RUSC1: variants seen among roughly 807,000 people sequenced by gnomAD.
RUSC1 encodes the protein RUN and SH3 domain containing 1, also known as AP-4 complex accessory subunit RUSC1.
RUSC1 carries 40 observed loss-of-function variants against 72.1 expected under a neutral mutation model. The ratio of observed to expected loss-of-function variants is 0.55; its 90% CI spans 0.43 to 0.72. RUSC1 has a LOEUF of 0.72. Among genes scored for constraint, RUSC1 ranks in the 30% least tolerant of loss-of-function variants. The pLI is 0.00. For missense variants in RUSC1, 1,092 were observed against 1,172.3 expected (o/e 0.93, Z 1.00); for synonymous variants, 512 against 494.2 (o/e 1.04, Z -0.48).
At chr1:155,329,172 G>A (rs946024294) in intron 9 of RUSC1, among the ~76,000 whole-genome samples, 8 of 149,396 alleles carry the variant, frequency 5.4e-5, no homozygotes, top group Admixed American at 3.3e-4. Context: ...CTGCAACCAC[G>A]CCTCCTGGGC....
At position 155,325,845 on chromosome 1, in the gene RUSC1, TC is replaced by T. The variant is rs1651335085; in HGVS notation, c.1815-16del. 6.2e-7 allele frequency: 1 copy of T among 1,613,718 alleles called. No homozygotes were observed. Among genetic ancestry groups the T allele is most frequent in the South Asian group, 1.1e-5 (1 of 91,064 alleles). Reference sequence around the variant, plus strand: ...GTCCTCCACCTCCCTGAACTTCCATTCCCTCTTTTCTCCCCTAGCACCAAGC... The same window carrying T: ...GTCCTCCACCTCCCTGAACTTCCATTCCTCTTTTCTCCCCTAGCACCAAGC... On this transcript the variant is annotated intron_variant, in intron 6 of 9. Transcript: ENST00000368352. This position sits in a 1 kb window ranked among gnomAD's most constrained non-coding sequence, Gnocchi z 6.5.
Position 155,325,437 on chromosome 1 carries a change from C to G in RUSC1, c.1655C>G (p.Thr552Ser). ...AAGCCTTTCCGGAAGGACCTCATCA[C>G]CGGGCAGCGCAGGAGCAGCCCCTGG... ...GLKPFRKDLI[T>S]GQRRSSPWSV... is the part of the protein sequence containing the mutation. The change falls in exon 5 of 10, where the codon ACC becomes AGC. Residue 552 changes from threonine to serine, a missense_variant. By Grantham distance (58) the Thr-to-Ser change is moderately conservative. Coordinates refer to ENST00000368352, the MANE Select transcript of RUSC1 (RefSeq NM_001105203.2). The surrounding 1 kb of genome is among the most constrained non-coding windows in gnomAD (Gnocchi z 6.5). The G allele has an allele frequency of 6.3e-7, 1 of 1,592,598 alleles. No homozygotes were observed. The highest frequency in any genetic ancestry group is 2.3e-5 in the East Asian group (1 of 44,180).
intron 9 of RUSC1, among the ~76,000 whole-genome samples, chr1:155,330,074 G>A (rs1410546701): frequency 6.6e-6 from 1 of 152,098 alleles, no homozygotes; most frequent in Non-Finnish European, 1.5e-5. Flanking sequence ...GGGCAAGTGT[G>A]GGGAGAAAGT....
chr1:155,330,112 G>A (rs1021433852), intron 9 of RUSC1, among the ~76,000 whole-genome samples: 8 of 152,086 alleles, frequency 5.3e-5, no homozygotes, highest in Non-Finnish European at 1.0e-4. Flanking sequence ...TAGGCGACAC[G>A]AGGAGGAACT....
intron 2 of RUSC1, chr1:155,324,015 C>T (rs941025632): frequency 1.3e-5 from 14 of 1,049,574 alleles, no homozygotes; most frequent in South Asian, 3.0e-5. Flanking sequence ...GTTGCCTTTC[C>T]TGCTCCGTGG....
In RUSC1 at chr1:155,326,971, C is replaced by T; in HGVS notation, c.2253C>T (p.Ser751=). Residue 751 remains serine, a synonymous_variant, in exon 8 of 10, where the codon TCC becomes TCT. Coordinates refer to ENST00000368352, the MANE Select transcript of RUSC1 (RefSeq NM_001105203.2). This position sits in a 1 kb window ranked among gnomAD's most constrained non-coding sequence, Gnocchi z 4.7. The stretch of plus-strand genomic sequence containing the variant: ...GGGGCACTGAGGGCTTTCCTCTTTC[C>T]CGATGGGCACCGGGGCGTCATGGGA... ...ASGGTEGFPL[S]RWAPGRHGTA... The T allele has an allele frequency of 6.2e-7, 1 of 1,613,750 alleles. No individual in the cohort carries two copies. The highest frequency in any genetic ancestry group is 1.7e-5 in the Admixed American group (1 of 60,026).
Position 155,322,104 on chromosome 1 carries a change from G to T in RUSC1, c.331G>T (p.Asp111Tyr). Residue 111 changes from aspartate (D) to tyrosine (Y), a missense_variant, in exon 2 of 10, where the codon GAT (aspartate) becomes TAT (tyrosine). Coordinates refer to ENST00000368352, the MANE Select transcript of RUSC1 (RefSeq NM_001105203.2). Reference sequence around the variant, plus strand: ...CTCCTCCTCACTCAGCTCCTGCTCAGATCTTAGCCCCGATGAGTCCCCTGT... The same window carrying T: ...CTCCTCCTCACTCAGCTCCTGCTCATATCTTAGCCCCGATGAGTCCCCTGT... ...GCSSSLSSCS[D>Y]LSPDESPVSV... 1 of 1,613,036 alleles carries T rather than the reference G, an allele frequency of 6.2e-7. No homozygotes were observed. The highest frequency in any genetic ancestry group is 8.5e-7 in the Non-Finnish European group (1 of 1,179,300).
Position 155,330,680 on chromosome 1 carries a change from C to T in RUSC1, c.*109C>T. The T allele has an allele frequency of 9.2e-7, 1 of 1,091,496 alleles. No individual in the cohort carries two copies. The highest frequency in any genetic ancestry group is 1.3e-6 in the Non-Finnish European group (1 of 782,606). 67.6% of individuals were successfully genotyped at this position (1,091,496 alleles called of 1,614,324 possible). On this transcript the variant is annotated 3_prime_UTR_variant, in exon 10 of 10. Transcript: ENST00000368352. ...TCCCTCTGCAAAATGACGTTTCTTC[C>T]CACGTCTGTTTCTGCTAATATTTAA...
Position 155,326,815 on chromosome 1 carries a change from G to A in RUSC1, c.2097G>A (p.Gly699=). The part of the protein sequence containing the change: ...QQTMQAMLHF[G]GRLAQSLRGT... ...CTATGCAAGCCATGCTGCACTTTGG[G>A]GGCCGGCTGGCCCAGAGCCTTCGGG... The change falls in exon 8 of 10, where the codon GGG becomes GGA. Residue 699 remains glycine, a synonymous_variant. Coordinates refer to ENST00000368352, the MANE Select transcript of RUSC1 (RefSeq NM_001105203.2). This position sits in a 1 kb window ranked among gnomAD's most constrained non-coding sequence, Gnocchi z 4.7. 1 of 1,613,402 alleles carries A rather than the reference G, an allele frequency of 6.2e-7. No individual in the cohort carries two copies. The highest frequency in any genetic ancestry group is 8.5e-7 in the Non-Finnish European group (1 of 1,180,038).
In RUSC1 at chr1:155,330,490, A is replaced by G. The variant is rs1461434445; in HGVS notation, c.2628A>G (p.Thr876=). Residue 876 remains threonine, a synonymous_variant, in exon 10 of 10, where the codon ACA becomes ACG. Coordinates refer to ENST00000368352, the MANE Select transcript of RUSC1 (RefSeq NM_001105203.2). ...RRGEVLRVIT[T]VDEDWLRCGR... ...GGGAAGTGCTGCGTGTCATCACCAC[A>G]GTGGATGAGGACTGGCTCCGCTGTG... 1.9e-6 allele frequency: 3 copies of G among 1,613,966 alleles called. No homozygotes were observed. The highest frequency in any genetic ancestry group is 2.5e-6 in the Non-Finnish European group (3 of 1,179,978).
chr1:155,321,786 C>G lies in RUSC1; in HGVS notation c.13C>G (p.Gln5Glu), dbSNP rs1650560878. Residue 5 changes from glutamine to glutamate, a missense_variant, in exon 2 of 10, where the codon CAG (glutamine) becomes GAG (glutamate). Gln to Glu is a conservative substitution (Grantham distance 29). Transcript: ENST00000368352. MLSPQRALLCNLNHI... is the reference protein window; with the variant it reads MLSPERALLCNLNHI... ...CGCCGCTAGCATCATGCTGTCCCCTCAGAGAGCTTTACTCTGCAACCTCAA... is the reference window on the plus strand; with the variant it reads ...CGCCGCTAGCATCATGCTGTCCCCTGAGAGAGCTTTACTCTGCAACCTCAA... 1.2e-6 allele frequency: 2 copies of G among 1,614,016 alleles called. No homozygotes were observed. Among genetic ancestry groups the G allele is most frequent in the Non-Finnish European group, 1.7e-6 (2 of 1,180,018 alleles).
In RUSC1 at chr1:155,322,490, A is replaced by T. The variant is rs1273219099; in HGVS notation, c.717A>T (p.Thr239=). The T allele has an allele frequency of 6.2e-7, 1 of 1,613,274 alleles. No homozygotes were observed. The highest frequency in any genetic ancestry group is 1.7e-5 in the Admixed American group (1 of 59,910). The part of the protein sequence containing the change: ...WKINPIWKID[T]EKTKAEWKTT... ...TTAACCCAATTTGGAAAATTGACAC[A>T]GAGAAAACTAAAGCTGAATGGAAAA... Residue 239 remains threonine, a synonymous_variant, in exon 2 of 10, where the codon ACA becomes ACT. Coordinates refer to ENST00000368352, the MANE Select transcript of RUSC1 (RefSeq NM_001105203.2).
At chr1:155,324,363 G>C (rs1015403548) in intron 2 of RUSC1, 4 of 1,607,754 alleles carry the variant, frequency 2.5e-6, no homozygotes, top group African/African-American at 2.7e-5. Context: ...CCCAATCCTC[G>C]GGTCTCGCCT....
chr1:155,328,563 G>C (rs927170790), intron 9 of RUSC1, among the ~76,000 whole-genome samples: 1 of 151,592 alleles, frequency 6.6e-6, no homozygotes, highest in Non-Finnish European at 1.5e-5. Flanking sequence ...CTGAGTAGCT[G>C]GGACTACAGG....
intron 2 of RUSC1, chr1:155,324,467 G>C (rs1651031559): frequency 6.2e-7 from 1 of 1,611,790 alleles, no homozygotes; most frequent in East Asian, 2.2e-5. Context: ...TGGGCCCCGG[G>C]GCGGTGCGCT....
rs764785723 is a variant in RUSC1, at chr1:155,328,286, T to C, written c.2540+11T>C. Reference sequence around the variant, plus strand: ...GGTGCAAACCCATAGGTAAGGAGGATTGGGGAGAATGCACTAGTGTGTAAC... The same window carrying C: ...GGTGCAAACCCATAGGTAAGGAGGACTGGGGAGAATGCACTAGTGTGTAAC... On this transcript the variant is annotated intron_variant, in intron 9 of 9. Transcript: ENST00000368352. The C allele has an allele frequency of 3.2e-5, 52 of 1,603,066 alleles. No individual in the cohort carries two copies. The highest frequency in any genetic ancestry group is 4.5e-5 in the South Asian group (4 of 88,378).
chr1:155,330,292 A>G (rs1651875897), intron 9 of RUSC1, 111 bp from the exon 10 acceptor site: 1 of 1,057,912 alleles, frequency 9.5e-7, no homozygotes, highest in East Asian at 2.6e-5. Flanking sequence ...TCCAGAGCCC[A>G]GTCAATGTCC....
intron 9 of RUSC1, among the ~76,000 whole-genome samples, chr1:155,329,857 C>T (rs1651827449): frequency 6.7e-6 from 1 of 149,330 alleles, no homozygotes; most frequent in Non-Finnish European, 1.5e-5. Flanking sequence ...ACTCGGGAGG[C>T]TGAGGCAGGA....
chr1:155,326,985 G>A lies in RUSC1; in HGVS notation c.2267G>A (p.Gly756Glu). ...EGFPLSRWAP[G>E]RHGTAAEEGA... ...TTTCCTCTTTCCCGATGGGCACCGG[G>A]GCGTCATGGGACTGCAGCTGAAGAA... Residue 756 changes from glycine to glutamate, a missense_variant, in exon 8 of 10, where the codon GGG becomes GAG. Transcript: ENST00000368352. The surrounding 1 kb of genome is among the most constrained non-coding windows in gnomAD (Gnocchi z 4.7). 1 of 1,613,660 alleles carries A rather than the reference G, an allele frequency of 6.2e-7. No homozygotes were observed. The highest frequency in any genetic ancestry group is 1.3e-5 in the African/African-American group (1 of 75,044).
Sources: gnomAD v4.1 joint callset for allele counts (sites outside exome capture counted in the v4.1 genomes callset) on GRCh38, gnomAD v4.1.1 for gene constraint, Gnocchi (gnomAD v3.1) non-coding constraint, MANE v1.5 for transcripts, NCBI Gene and HGNC (gene_info 2026-07-23, HGNC 2026-07-21) for gene names.